HS2ST1: variants seen among roughly 807,000 people sequenced by gnomAD.
HS2ST1 encodes the protein heparan sulfate 2-O-sulfotransferase 1.
Under a neutral mutation model 42.9 loss-of-function variants are expected in HS2ST1, and 18 were observed. The ratio of observed to expected loss-of-function variants is 0.42; its 90% CI spans 0.29 to 0.62. The LOEUF is 0.62. HS2ST1 is among the 20% of genes least tolerant of loss of function. The pLI is 0.21. For missense variants in HS2ST1, 334 were observed against 433.8 expected (o/e 0.77, Z 2.04); for synonymous variants, 146 against 152.9 (o/e 0.95, Z 0.33).
intron 1 of HS2ST1, chr1:87,045,863 C>A: frequency 1.4e-6 from 1 of 711,226 alleles, no homozygotes; most frequent in Non-Finnish European, 2.6e-6. Flanking sequence ...AATGAACTCT[C>A]AGAGTCTCAG....
At chr1:86,939,537 T>C (rs896953145) in intron 1 of HS2ST1, among the ~76,000 whole-genome samples, 1 of 152,210 alleles carries the variant, frequency 6.6e-6, no homozygotes, top group Non-Finnish European at 1.5e-5. Flanking sequence ...CTTAGGATCT[T>C]AGAATAGTGG....
At chr1:87,092,357 A>C (rs1651966888) in intron 3 of HS2ST1, among the ~76,000 whole-genome samples, 174 bp from the exon 4 acceptor site, 1 of 143,782 alleles carries the variant, frequency 7.0e-6, no homozygotes, top group South Asian at 2.3e-4. Flanking sequence ...TTCTGACATG[A>C]ATAATCATGA....
rs780988004 is a variant in HS2ST1 at position 87,054,525 on chromosome 1, C to CT, written c.125-18406dup. Among the ~76,000 whole-genome samples, 6 of 152,266 alleles carry CT rather than the reference C, an allele frequency of 3.9e-5. No homozygotes were observed. The East Asian group carries it at 1.2e-3, about 29-fold the overall frequency. Reference sequence around the variant, plus strand: ...CTCTTATGTCCTCAGTAATGTCATACTTTATCACTTGTGAACCTGCTTTAT... The same window carrying CT: ...CTCTTATGTCCTCAGTAATGTCATACTTTTATCACTTGTGAACCTGCTTTAT... On this transcript the variant is annotated intron_variant, in intron 1 of 6. Coordinates refer to ENST00000370550, the MANE Select transcript of HS2ST1 (RefSeq NM_012262.4).
intron 1 of HS2ST1, among the ~76,000 whole-genome samples, chr1:87,015,247 C>T (rs1421895768): frequency 6.6e-6 from 1 of 151,888 alleles, no homozygotes; most frequent in East Asian, 1.9e-4. Flanking sequence ...CGGGTTTCAC[C>T]ATGTCAGCCA....
At chr1:86,950,376 GTAGGTAGA>G (rs909480741) in intron 1 of HS2ST1, among the ~76,000 whole-genome samples, 13 of 152,060 alleles carry the variant, frequency 8.5e-5, no homozygotes, top group Admixed American at 7.2e-4. Flanking sequence ...AGGTAGGTAG[GTAGGTAGA>G]TAGACAGACA....
chr1:86,923,818 G>T (rs1660355084), intron 1 of HS2ST1, among the ~76,000 whole-genome samples: 1 of 152,096 alleles, frequency 6.6e-6, no homozygotes, highest in African/African-American at 2.4e-5. Flanking sequence ...ACAACACAGG[G>T]GAATTCAAGA....
At chr1:86,934,581 TG>T (rs1660604862) in intron 1 of HS2ST1, 1 of 152,324 alleles carries the variant, frequency 6.6e-6, no homozygotes, top group Non-Finnish European at 1.5e-5. Flanking sequence ...TCTCCAGTTT[TG>T]GGAGCAGCAG....
chr1:86,941,059 T>C (rs1660749330), intron 1 of HS2ST1, among the ~76,000 whole-genome samples: 1 of 152,154 alleles, frequency 6.6e-6, no homozygotes, highest in African/African-American at 2.4e-5. Context: ...AGTCCAAACA[T>C]CTGTAATATG....
intron 1 of HS2ST1, among the ~76,000 whole-genome samples, chr1:87,037,371 A>G (rs147061236): frequency 4.6e-5 from 4 of 86,668 alleles, no homozygotes; most frequent in African/African-American, 1.3e-4. Flanking sequence ...AAATGTTTTC[A>G]TTTATTCTAC....
At chr1:86,968,173 A>G (rs1195400580) in intron 1 of HS2ST1, among the ~76,000 whole-genome samples, 2 of 151,978 alleles carry the variant, frequency 1.3e-5, no homozygotes, top group African/African-American at 4.8e-5. Context: ...TTCCTTGGAG[A>G]TTGTGGATAC....
chr1:86,979,167 T>C (rs1648510151), intron 1 of HS2ST1, among the ~76,000 whole-genome samples: 1 of 152,186 alleles, frequency 6.6e-6, no homozygotes, highest in Admixed American at 6.5e-5. Context: ...TGAATCTTTA[T>C]TCTTATTTGC....
intron 1 of HS2ST1, among the ~76,000 whole-genome samples, chr1:87,021,208 A>T (rs1649940173): frequency 6.6e-6 from 1 of 152,166 alleles, no homozygotes. Flanking sequence ...CTCCCAGAAT[A>T]CATGTTGACT....
chr1:87,057,059 A>T (rs1251367073), intron 1 of HS2ST1, among the ~76,000 whole-genome samples: 1 of 152,240 alleles, frequency 6.6e-6, no homozygotes, highest in Non-Finnish European at 1.5e-5. Context: ...GCAGATATGA[A>T]AATCCAGTTG....
chr1:86,985,363 A>AGTATAT (rs1648728631), intron 1 of HS2ST1, among the ~76,000 whole-genome samples: 1 of 53,632 alleles, frequency 1.9e-5, no homozygotes, highest in Non-Finnish European at 4.3e-5. Flanking sequence ...AAAAAAAAAA[A>AGTATAT]AAAAGTATAT....
At chr1:86,967,092 T>C (rs1244631473) in intron 1 of HS2ST1, among the ~76,000 whole-genome samples, 1 of 152,140 alleles carries the variant, frequency 6.6e-6, no homozygotes, top group South Asian at 2.1e-4. Context: ...GGTTTCTCCA[T>C]GTTGGTCAGG....
intron 1 of HS2ST1, among the ~76,000 whole-genome samples, chr1:87,012,142 C>T (rs554837869): frequency 6.6e-6 from 1 of 152,224 alleles, no homozygotes; most frequent in Admixed American, 6.5e-5. Flanking sequence ...CGGTTACTTC[C>T]CCATCAGCAT....
At chr1:86,939,409 G>A (rs544609822) in intron 1 of HS2ST1, among the ~76,000 whole-genome samples, 4 of 152,238 alleles carry the variant, frequency 2.6e-5, no homozygotes, top group Middle Eastern at 6.8e-3. Flanking sequence ...GGATTACTTA[G>A]CAAAAAATTA....
chr1:86,974,311 A>G (rs1648324093), intron 1 of HS2ST1, among the ~76,000 whole-genome samples: 1 of 152,188 alleles, frequency 6.6e-6, no homozygotes, highest in Non-Finnish European at 1.5e-5. Context: ...GCTAAAAATT[A>G]TTAAACTGTG....
intron 1 of HS2ST1, among the ~76,000 whole-genome samples, chr1:86,937,475 A>T (rs1285771656): frequency 2.0e-5 from 3 of 152,172 alleles, no homozygotes; most frequent in Admixed American, 6.5e-5. Flanking sequence ...CTTATTTGTG[A>T]TAACTTTAAG....
Sources: allele counts gnomAD v4.1 joint callset (sites outside exome capture counted in the v4.1 genomes callset), GRCh38; gene constraint gnomAD v4.1.1; transcripts MANE v1.5; gene names NCBI Gene and HGNC (gene_info 2026-07-23, HGNC 2026-07-21).